VAX2: variants seen among roughly 807,000 people sequenced by gnomAD.
The protein encoded by VAX2 is ventral anterior homeobox 2.
A neutral mutation model predicts 12.5 loss-of-function variants in VAX2; 8 were observed. The ratio of observed to expected loss-of-function variants is 0.64; its 90% CI spans 0.37 to 1.15. The LOEUF is 1.15. VAX2 is among the 50% of genes most tolerant of loss of function. The probability of loss-of-function intolerance (pLI) is 0.01; values close to 1 mark genes in which losing one functional copy is unlikely to be tolerated. For synonymous variants in VAX2, 183 were observed against 187.6 expected (o/e 0.98, Z 0.20); for missense variants, 476 against 412.9 (o/e 1.15, Z -1.32).
chr2:70,924,677 G>A (rs1453302732), intron 2 of VAX2, among the ~76,000 whole-genome samples: 1 of 152,162 alleles, frequency 6.6e-6, no homozygotes, highest in Non-Finnish European at 1.5e-5. Flanking sequence ...TAACTAACTT[G>A]TAGCTAGAAT....
intron 1 of VAX2, among the ~76,000 whole-genome samples, chr2:70,910,704 C>T (rs1443618902): frequency 1.3e-5 from 2 of 151,284 alleles, no homozygotes; most frequent in African/African-American, 2.4e-5. Context: ...TTCTCATCTT[C>T]GTAAGTGCCA....
intron 1 of VAX2, among the ~76,000 whole-genome samples, chr2:70,909,279 C>T (rs1324303980): frequency 1.3e-5 from 2 of 152,180 alleles, no homozygotes; most frequent in Non-Finnish European, 1.5e-5. Flanking sequence ...AGTCCCCCCA[C>T]CTCAGCCTCT....
rs782492688 is a variant in VAX2 at position 70,921,194 on chromosome 2, A to G, written c.344A>G (p.Tyr115Cys). Residue 115 changes from tyrosine to cysteine, a missense_variant, in exon 2 of 3, where the codon TAC becomes TGC. Tyr to Cys is a radical substitution (Grantham distance 194). Coordinates refer to ENST00000234392, the MANE Select transcript of VAX2 (RefSeq NM_012476.3). ...TRTSFTAEQL[Y>C]RLEMEFQRCQ... The stretch of plus-strand genomic sequence containing the variant: ...ACATCCTTCACTGCCGAGCAGCTGT[A>G]CCGCCTGGAGATGGAGTTCCAGCGC... 1.2e-6 allele frequency: 2 copies of G among 1,613,668 alleles called. No individual in the cohort carries two copies. Among genetic ancestry groups the G allele is most frequent in the Admixed American group, 1.7e-5 (1 of 60,008 alleles).
In VAX2 at chr2:70,932,998, A is replaced by C. The variant is rs943849728; in HGVS notation, c.667A>C (p.Arg223=). Residue 223 remains arginine, a synonymous_variant, in exon 3 of 3, where the codon AGG becomes CGG. Transcript: ENST00000234392. ...SHRGTSLGDP[R]NSSPRLNPLS... is the part of the protein sequence containing the mutation. ...CAGGGGCACCTCCTTAGGTGACCCC[A>C]GGAACTCCTCCCCACGCCTCAACCC... 1 of 1,604,334 alleles carries C rather than the reference A, an allele frequency of 6.2e-7. No homozygotes were observed. The highest frequency in any genetic ancestry group is 1.3e-5 in the African/African-American group (1 of 74,844).
intron 1 of VAX2, among the ~76,000 whole-genome samples, chr2:70,909,329 C>A (rs1267039714): frequency 4.0e-5 from 6 of 151,786 alleles, no homozygotes; most frequent in African/African-American, 1.5e-4. Context: ...CAATGCTGGC[C>A]TAGCTTTAAT....
intron 1 of VAX2, among the ~76,000 whole-genome samples, chr2:70,909,998 T>C (rs78354891): frequency 1.7e-3 from 262 of 152,310 alleles, no homozygotes; most frequent in Middle Eastern, 6.8e-3. Flanking sequence ...TTAAATCTTA[T>C]TTATGAGACA....
Position 70,900,717 on chromosome 2 carries a change from G to T in VAX2, c.96G>T (p.Gly32=), listed in dbSNP as rs901982612. The change falls in exon 1 of 3, where the codon GGG becomes GGT. Residue 32 remains glycine (G), a synonymous_variant. Coordinates refer to ENST00000234392, the MANE Select transcript of VAX2 (RefSeq NM_012476.3). The stretch of plus-strand genomic sequence containing the variant: ...GCTGCGGAGACCGCAGCGGAGCGGG[G>T]GACTTGCGAGCTGATGGCGGTGGCC... ...GGRCGDRSGA[G]DLRADGGGHS... The T allele has an allele frequency of 5.7e-6, 8 of 1,396,024 alleles. No individual in the cohort carries two copies. Among genetic ancestry groups the T allele is most frequent in the Non-Finnish European group, 7.5e-6 (8 of 1,070,022 alleles). 86.5% of individuals were successfully genotyped at this position (1,396,024 alleles called of 1,614,324 possible).
rs368359306 is a variant in VAX2, at chr2:70,933,209, C to T, written c.*5C>T. Reference sequence around the variant, plus strand: ...TGCAAGAAAGCTAACACTTAAGACTCCCACCCTGTGACACTGAGTCCCGAG... The same window carrying T: ...TGCAAGAAAGCTAACACTTAAGACTTCCACCCTGTGACACTGAGTCCCGAG... On this transcript the variant is annotated 3_prime_UTR_variant, in exon 3 of 3. Coordinates refer to ENST00000234392, the MANE Select transcript of VAX2 (RefSeq NM_012476.3). 2 of 1,510,464 alleles carry T rather than the reference C, an allele frequency of 1.3e-6. No homozygotes were observed. The highest frequency in any genetic ancestry group is 1.8e-6 in the Non-Finnish European group (2 of 1,129,254). 93.6% of individuals were successfully genotyped at this position (1,510,464 alleles called of 1,614,324 possible). A position where few individuals can be genotyped will look rare whatever the true frequency, so the allele number is the denominator to read the frequency against.
intron 1 of VAX2, 91 bp from the exon 2 acceptor site, chr2:70,921,007 G>A (rs890654379): frequency 1.2e-5 from 17 of 1,400,232 alleles, no homozygotes; most frequent in African/African-American, 4.4e-5. Flanking sequence ...GGAGCTCTGC[G>A]ATAGATCACA....
chr2:70,903,166 G>C (rs138801095), intron 1 of VAX2, among the ~76,000 whole-genome samples: 32 of 152,322 alleles, frequency 2.1e-4, no homozygotes, highest in African/African-American at 7.0e-4. Context: ...TGAACTAACT[G>C]CCTTGGCCCC....
At chr2:70,914,717 A>G (rs562283538) in intron 1 of VAX2, among the ~76,000 whole-genome samples, 1 of 151,786 alleles carries the variant, frequency 6.6e-6, no homozygotes, top group African/African-American at 2.4e-5. Flanking sequence ...ATCCTTTCAT[A>G]TGTTTATTGG....
chr2:70,930,712 C>T (rs185022320), intron 2 of VAX2, among the ~76,000 whole-genome samples: 258 of 152,356 alleles, frequency 1.7e-3, no homozygotes, highest in African/African-American at 5.8e-3. Context: ...GTCTTCTTAA[C>T]CTGGGCAGCC....
rs1316211738 is a variant in VAX2 at position 70,904,079 on chromosome 2, T to A, written c.247+3211T>A. Among the ~76,000 whole-genome samples, 1 of 152,146 alleles carries A rather than the reference T, an allele frequency of 6.6e-6. No individual in the cohort carries two copies. Among genetic ancestry groups the A allele is most frequent in the Non-Finnish European group, 1.5e-5 (1 of 68,028 alleles). ...CTGCTGAGATGATAGGCCGGGCGCA[T>A]AACAGGCACCCCGCACATCGCACCG... is the stretch of plus-strand genomic sequence containing the variant. On this transcript the variant is annotated intron_variant, in intron 1 of 2. Coordinates refer to ENST00000234392, the MANE Select transcript of VAX2 (RefSeq NM_012476.3). This position sits in a 1 kb window ranked among gnomAD's most constrained non-coding sequence, Gnocchi z 4.2.
At chr2:70,902,037 G>C (rs1269788499) in intron 1 of VAX2, among the ~76,000 whole-genome samples, 2 of 152,244 alleles carry the variant, frequency 1.3e-5, no homozygotes, top group Non-Finnish European at 2.9e-5. Flanking sequence ...CTCCGCCTGG[G>C]GAAGGCGAAC....
intron 1 of VAX2, among the ~76,000 whole-genome samples, chr2:70,907,502 C>T (rs1357294947): frequency 6.6e-6 from 1 of 152,262 alleles, no homozygotes; most frequent in Admixed American, 6.5e-5. Context: ...AATAACCGCG[C>T]AGTTGACGCC....
At chr2:70,925,177 T>C (rs1183233185) in intron 2 of VAX2, among the ~76,000 whole-genome samples, 1 of 152,210 alleles carries the variant, frequency 6.6e-6, no homozygotes, top group South Asian at 2.1e-4. Flanking sequence ...TGGTAATACA[T>C]TGAAGAGAAA....
intron 1 of VAX2, among the ~76,000 whole-genome samples, chr2:70,920,612 A>G (rs1679434988): frequency 6.8e-6 from 1 of 146,968 alleles, no homozygotes; most frequent in African/African-American, 2.6e-5. Flanking sequence ...CTGTGGATGC[A>G]TGACACTCCT....
intron 2 of VAX2, among the ~76,000 whole-genome samples, chr2:70,923,129 G>A (rs572188515): frequency 1.3e-5 from 2 of 152,222 alleles, no homozygotes; most frequent in South Asian, 2.1e-4. Context: ...ATGGCTCCTC[G>A]TCGTGCTTCA....
At chr2:70,932,613 C>T (rs1679717756) in intron 2 of VAX2, among the ~76,000 whole-genome samples, 154 bp from the exon 3 acceptor site, 1 of 151,046 alleles carries the variant, frequency 6.6e-6, no homozygotes. Context: ...ATCTGCTCTT[C>T]TTTCCCTCTT....
Sources: allele counts gnomAD v4.1 joint callset (sites outside exome capture counted in the v4.1 genomes callset), GRCh38; gene constraint gnomAD v4.1.1; non-coding constraint Gnocchi (gnomAD v3.1); transcripts MANE v1.5; gene names NCBI Gene and HGNC (gene_info 2026-07-23, HGNC 2026-07-21).